GALNT5: variants seen among roughly 807,000 people sequenced by gnomAD.
The protein encoded by GALNT5 is polypeptide N-acetylgalactosaminyltransferase 5.
GALNT5 carries 72 observed loss-of-function variants against 85.4 expected under a neutral mutation model. That is an observed-to-expected ratio of 0.84 (90% CI 0.70 to 1.03). The LOEUF is 1.03. Ranked by LOEUF, GALNT5 falls within the 50% of genes least tolerant of loss-of-function variation. The probability of loss-of-function intolerance (pLI) is 0.00; values close to 1 mark genes in which losing one functional copy is unlikely to be tolerated. For missense variants in GALNT5, 1,137 were observed against 1,135.5 expected (o/e 1.00, Z -0.02); for synonymous variants, 404 against 397.0 (o/e 1.02, Z -0.21).
Position 157,317,198 on chromosome 2 carries a change from A to ATATTT in GALNT5, c.*5851_*5852insATTTT, listed in dbSNP as rs1292694926. Among the ~76,000 whole-genome samples the ATATTT allele has an allele frequency of 8.4e-4, 112 of 132,976 alleles. No homozygotes were observed. The highest frequency in any genetic ancestry group is 1.9e-3 in the East Asian group (9 of 4,634). The allele number at this position is 132,976 out of a possible 152,430, so 87.2% of individuals were successfully genotyped here. ...TGTATATATATATATATATATATAT[A>ATATTT]TTTTTTTTTTTGATGCTTTGATCTG... On this transcript the variant is annotated 3_prime_UTR_variant, in exon 10 of 10. Transcript: ENST00000259056.
intron 3 of GALNT5, among the ~76,000 whole-genome samples, chr2:157,293,513 T>C (rs1005198497): frequency 6.6e-6 from 1 of 152,180 alleles, no homozygotes; most frequent in African/African-American, 2.4e-5. Context: ...ATTCAGACCA[T>C]GCAGGGGACA....
chr2:157,290,613 T>C (rs1683079606), intron 3 of GALNT5, among the ~76,000 whole-genome samples: 1 of 152,086 alleles, frequency 6.6e-6, no homozygotes. Context: ...TTCTCTAGGA[T>C]GCCTCGCCAA....
At chr2:157,309,509 A>T (rs1683524217) in intron 9 of GALNT5, among the ~76,000 whole-genome samples, 1 of 152,158 alleles carries the variant, frequency 6.6e-6, no homozygotes, top group South Asian at 2.1e-4. Flanking sequence ...GATTGGCGAG[A>T]ATAGTCTCAG....
At chr2:157,274,460 T>C in intron 1 of GALNT5, among the ~76,000 whole-genome samples, 1 of 152,340 alleles carries the variant, frequency 6.6e-6, no homozygotes, top group Admixed American at 6.5e-5. Flanking sequence ...TGTAAAAGCC[T>C]TCCTATTTCT....
chr2:157,286,749 G>A (rs1397861950), intron 3 of GALNT5, among the ~76,000 whole-genome samples: 4 of 152,068 alleles, frequency 2.6e-5, no homozygotes, highest in African/African-American at 7.2e-5. Context: ...TGATCCGCCC[G>A]CCTCGGCCTC....
chr2:157,304,865 C>T (rs1683419946), intron 7 of GALNT5, among the ~76,000 whole-genome samples: 2 of 152,206 alleles, frequency 1.3e-5, no homozygotes, highest in Admixed American at 1.3e-4. Context: ...TGCATCAGTG[C>T]AGCACCCTGA....
At chr2:157,276,315 G>A (rs986800283) in intron 1 of GALNT5, among the ~76,000 whole-genome samples, 1 of 152,136 alleles carries the variant, frequency 6.6e-6, no homozygotes, top group African/African-American at 2.4e-5. Flanking sequence ...CCAGGTTTTG[G>A]TATCAGGATG....
At chr2:157,278,793 C>T (rs1330512824) in intron 1 of GALNT5, among the ~76,000 whole-genome samples, 2 of 151,954 alleles carry the variant, frequency 1.3e-5, no homozygotes, top group African/African-American at 2.4e-5. Context: ...TTGTTATTAC[C>T]GACCTTCTGA....
At chr2:157,308,532 G>C (rs756675050) in intron 8 of GALNT5, 35 bp from the exon 9 acceptor site, 1 of 1,563,082 alleles carries the variant, frequency 6.4e-7, no homozygotes, top group Non-Finnish European at 8.7e-7. Flanking sequence ...TGTGTTTGCT[G>C]CCTGAAGTGA....
chr2:157,287,652 C>T (rs1558897806), intron 3 of GALNT5, among the ~76,000 whole-genome samples: 1 of 152,146 alleles, frequency 6.6e-6, no homozygotes, highest in African/African-American at 2.4e-5. Context: ...GTCTATTCTT[C>T]CTATGGTTCT....
intron 1 of GALNT5, among the ~76,000 whole-genome samples, chr2:157,282,870 T>C (rs1682886768): frequency 6.6e-6 from 1 of 152,230 alleles, no homozygotes; most frequent in African/African-American, 2.4e-5. Flanking sequence ...CTCAAGCAGT[T>C]GTTATGAAGA....
chr2:157,285,823 C>A (rs1682958142), intron 2 of GALNT5, among the ~76,000 whole-genome samples, 192 bp from the exon 3 acceptor site: 1 of 152,136 alleles, frequency 6.6e-6, no homozygotes, highest in Admixed American at 6.5e-5. Flanking sequence ...AATCAGACAG[C>A]TTTGAATACT....
At chr2:157,302,480 T>TA (rs1683364262) in intron 7 of GALNT5, 2 of 152,052 alleles carry the variant, frequency 1.3e-5, no homozygotes, top group Non-Finnish European at 2.9e-5. Flanking sequence ...CTCAACCTGG[T>TA]AACTTATCAG....
At chr2:157,301,596 A>G (rs1320738336) in intron 7 of GALNT5, 3 of 153,902 alleles carry the variant, frequency 1.9e-5, no homozygotes, top group African/African-American at 7.2e-5. Context: ...TGAAGGAGGG[A>G]AGAATGGCAC....
At position 157,314,404 on chromosome 2, in the gene GALNT5, G is replaced by A. The variant is rs150819275; in HGVS notation, c.*3056G>A. ...TACTCTCTTGTAAGCTGACACAGTT[G>A]TTGTTGGTACAATCTTGTTCTATCA... is the stretch of plus-strand genomic sequence containing the variant. On this transcript the variant is annotated 3_prime_UTR_variant, in exon 10 of 10. Transcript: ENST00000259056. Among the ~76,000 whole-genome samples, 195 of 152,234 alleles carry A rather than the reference G, an allele frequency of 1.3e-3. 2 individuals carry two copies. In the Middle Eastern group the frequency reaches 0.024, roughly 19 times the overall value.
At chr2:157,290,106 T>TAC (rs1470103080) in intron 3 of GALNT5, among the ~76,000 whole-genome samples, 2 of 71,058 alleles carry the variant, frequency 2.8e-5, no homozygotes, top group African/African-American at 1.0e-4. Flanking sequence ...TATATATATA[T>TAC]ATATATACAT....
Position 157,315,398 on chromosome 2 carries a change from C to G in GALNT5, c.*4050C>G, listed in dbSNP as rs1299678961. 6.6e-6 allele frequency among the ~76,000 whole-genome samples: 1 copy of G among 152,180 alleles called. No homozygotes were observed. Among genetic ancestry groups the G allele is most frequent in the Non-Finnish European group, 1.5e-5 (1 of 68,038 alleles). Reference sequence around the variant, plus strand: ...TTTATCTGGCTCAAAAAAAATTTCTCTCACTATACCATGCTGCTATATAAT... The same window carrying G: ...TTTATCTGGCTCAAAAAAAATTTCTGTCACTATACCATGCTGCTATATAAT... On this transcript the variant is annotated 3_prime_UTR_variant, in exon 10 of 10. Coordinates refer to ENST00000259056, the MANE Select transcript of GALNT5 (RefSeq NM_014568.3).
At chr2:157,282,040 C>G (rs1682865969) in intron 1 of GALNT5, among the ~76,000 whole-genome samples, 1 of 152,164 alleles carries the variant, frequency 6.6e-6, no homozygotes. Context: ...AGAGGAATAT[C>G]TTCTCATATT....
At chr2:157,270,297 G>A (rs757526857) in intron 1 of GALNT5, among the ~76,000 whole-genome samples, 7 of 152,120 alleles carry the variant, frequency 4.6e-5, no homozygotes, top group African/African-American at 9.7e-5. Context: ...AGGCACTGGT[G>A]GAGCAAATCA....
Sources: gnomAD v4.1 joint callset for allele counts (sites outside exome capture counted in the v4.1 genomes callset) on GRCh38, gnomAD v4.1.1 for gene constraint, MANE v1.5 for transcripts, NCBI Gene and HGNC (gene_info 2026-07-23, HGNC 2026-07-21) for gene names.